KIF21B: variants seen among roughly 807,000 people sequenced by gnomAD.
KIF21B encodes kinesin family member 21B, also known as kinesin-like protein KIF21B.
KIF21B carries 85 observed loss-of-function variants against 192.9 expected under a neutral mutation model. The ratio of observed to expected loss-of-function variants is 0.44; its 90% CI spans 0.37 to 0.53. The LOEUF (loss-of-function observed/expected upper bound fraction) is 0.53, where lower values mean the gene tolerates loss of function less well. KIF21B is among the 20% of genes least tolerant of loss of function. KIF21B has a pLI of 0.00. For missense variants in KIF21B, 1,716 were observed against 2,194.8 expected (o/e 0.78, Z 4.36); for synonymous variants, 832 against 884.6 (o/e 0.94, Z 1.05).
chr1:200,993,184 C>T (rs1363412660), intron 15 of KIF21B, among the ~76,000 whole-genome samples: 1 of 152,260 alleles, frequency 6.6e-6, no homozygotes, highest in Non-Finnish European at 1.5e-5. Flanking sequence ...TGCTGGGAAG[C>T]CACTGACCTC....
intron 8 of KIF21B, 22 bp downstream of exon 8, chr1:201,003,564 C>T (rs1288381166): frequency 9.9e-6 from 16 of 1,612,084 alleles, no homozygotes; most frequent in Non-Finnish European, 1.4e-5. Flanking sequence ...GAGTGCTGGG[C>T]AATGCCCAGG....
rs1394878853 is a variant in KIF21B at position 200,999,218 on chromosome 1, T to C, written c.1885+131A>G. ...CCATCATTCTCATCATGACTGCCTG[T>C]TGTCATTGGTTTCACGTCTGGGAGT... On this transcript the variant is annotated intron_variant, in intron 13 of 34. Coordinates refer to ENST00000461742, the MANE Select transcript of KIF21B (RefSeq NM_001252102.2). The surrounding 1 kb of genome is among the most constrained non-coding windows in gnomAD (Gnocchi z 4.7). The C allele has an allele frequency of 9.4e-7, 1 of 1,060,088 alleles. No homozygotes were observed. The highest frequency in any genetic ancestry group is 1.4e-6 in the Non-Finnish European group (1 of 690,504). The allele number at this position is 1,060,088 out of a possible 1,614,324, so 65.7% of individuals were successfully genotyped here. A position where few individuals can be genotyped will look rare whatever the true frequency, so the allele number is the denominator to read the frequency against.
intron 3 of KIF21B, among the ~76,000 whole-genome samples, chr1:201,007,309 CGG>C (rs1657923292): frequency 1.7e-5 from 2 of 120,150 alleles, no homozygotes; most frequent in Non-Finnish European, 3.4e-5. Context: ...TACACAGACA[CGG>C]ACACAGAGAC....
intron 32 of KIF21B, among the ~76,000 whole-genome samples, chr1:200,976,051 T>C (rs1309124757): frequency 2.6e-5 from 4 of 152,132 alleles, no homozygotes; most frequent in African/African-American, 9.7e-5. Flanking sequence ...TTACTAAATA[T>C]TCACCATAAT....
intron 25 of KIF21B, 26 bp downstream of exon 25, chr1:200,986,970 A>T (rs200502878): frequency 6.8e-6 from 11 of 1,612,722 alleles, no homozygotes; most frequent in Non-Finnish European, 9.3e-6. Context: ...CTCCACTCCA[A>T]CCCACATTCC....
At position 200,984,578 on chromosome 1, in the gene KIF21B, C is replaced by G. The variant is rs202177850; in HGVS notation, c.3803+281G>C. Among the ~76,000 whole-genome samples the G allele has an allele frequency of 1.8e-4, 27 of 152,344 alleles. No homozygotes were observed. The East Asian group carries it at 5.0e-3, about 28-fold the overall frequency. ...TCTGGAGAGCCCTCAGGCACCGGCC[C>G]CATGCGACCAGCCCACCTGACTGCC... On this transcript the variant is annotated intron_variant, in intron 27 of 34. Transcript: ENST00000461742.
chr1:201,007,682 G>A (rs547517529), intron 3 of KIF21B, among the ~76,000 whole-genome samples: 14 of 105,798 alleles, frequency 1.3e-4, no homozygotes, highest in South Asian at 3.4e-4. Flanking sequence ...ATAGACACAC[G>A]CACAGACACA....
Position 200,972,926 on chromosome 1 carries a change from C to T in KIF21B, c.*595G>A, listed in dbSNP as rs1481066164. The T allele has an allele frequency of 6.5e-6, 1 of 152,912 alleles. No homozygotes were observed. The highest frequency in any genetic ancestry group is 1.5e-5 in the Non-Finnish European group (1 of 68,216). 9.5% of individuals were successfully genotyped at this position (152,912 alleles called of 1,614,324 possible). A position where few individuals can be genotyped will look rare whatever the true frequency, so the allele number is the denominator to read the frequency against. ...CCCAAAGGAATCTTTCTAGCAGCTC[C>T]ACCTTGGCCCCATCCAAAAGGGACC... On this transcript the variant is annotated 3_prime_UTR_variant, in exon 35 of 35. Coordinates refer to ENST00000461742, the MANE Select transcript of KIF21B (RefSeq NM_001252102.2).
At chr1:200,978,420 C>T (rs1655707657) in intron 30 of KIF21B, among the ~76,000 whole-genome samples, 1 of 151,528 alleles carries the variant, frequency 6.6e-6, no homozygotes, top group South Asian at 2.1e-4. Flanking sequence ...GAAAACTAAG[C>T]ACAAGATAGA....
At chr1:200,989,071 G>A (rs1195795718) in intron 21 of KIF21B, 140 bp from the exon 22 acceptor site, 1 of 839,328 alleles carries the variant, frequency 1.2e-6, no homozygotes, top group African/African-American at 1.7e-5. Flanking sequence ...GCACAGACCT[G>A]AGAGCACCGC....
At chr1:200,987,992 A>G (rs545579478) in intron 24 of KIF21B, among the ~76,000 whole-genome samples, 4 of 152,292 alleles carry the variant, frequency 2.6e-5, no homozygotes, top group African/African-American at 7.2e-5. Flanking sequence ...GGGTGGGGGA[A>G]AGGGGATATT....
rs1270714566 is a variant in KIF21B at position 200,969,964 on chromosome 1, G to T, written c.*3557C>A. ...CAAGGAGAGCAGCAAGCAGTTGCCT[G>T]TTTGGGATGGCAAAGGGACACATAC... On this transcript the variant is annotated 3_prime_UTR_variant, in exon 35 of 35. Transcript: ENST00000461742. The T allele has an allele frequency of 6.6e-6, 1 of 152,510 alleles. No homozygotes were observed. Among genetic ancestry groups the T allele is most frequent in the Non-Finnish European group, 1.5e-5 (1 of 68,102 alleles). 9.4% of individuals were successfully genotyped at this position (152,510 alleles called of 1,614,324 possible). A position where few individuals can be genotyped will look rare whatever the true frequency, so the allele number is the denominator to read the frequency against.
rs1655600519 is a variant in KIF21B, at chr1:200,977,062, T to C, written c.4325+150A>G. ...TGAGCTACCCTGCATCCCAGCAGTC[T>C]CACTGGAGAGGGCACAGGCCCAGCA... On this transcript the variant is annotated intron_variant, in intron 31 of 34. Transcript: ENST00000461742. 4 of 1,050,932 alleles carry C rather than the reference T, an allele frequency of 3.8e-6. No homozygotes were observed. In the South Asian group the frequency reaches 4.6e-5, roughly 12 times the overall value. 65.1% of individuals were successfully genotyped at this position (1,050,932 alleles called of 1,614,324 possible).
chr1:200,989,794 GC>G, intron 21 of KIF21B, 147 bp downstream of exon 21: 2 of 621,280 alleles, frequency 3.2e-6, no homozygotes, highest in Non-Finnish European at 2.9e-6. Flanking sequence ...TACAGCTGTG[GC>G]ATGGGAGGTG....
intron 16 of KIF21B, 31 bp from the exon 17 acceptor site, chr1:200,991,756 C>T: frequency 7.5e-6 from 12 of 1,610,238 alleles, no homozygotes; most frequent in Non-Finnish European, 9.3e-6. Flanking sequence ...CTGGGCTCCA[C>T]ACTCAGGCAC....
At chr1:200,983,379 C>A (rs1478588696) in intron 27 of KIF21B, among the ~76,000 whole-genome samples, 4 of 152,118 alleles carry the variant, frequency 2.6e-5, no homozygotes, top group Non-Finnish European at 4.4e-5. Flanking sequence ...CAGCCCCACA[C>A]ATGGGGAGAC....
chr1:200,977,465 A>C, intron 30 of KIF21B, 89 bp from the exon 31 acceptor site: 1 of 1,457,574 alleles, frequency 6.9e-7, no homozygotes, highest in South Asian at 1.3e-5. Context: ...AGACCAGCCC[A>C]AATAACCTAC....
chr1:200,987,163 C>G lies in KIF21B; in HGVS notation c.3447G>C (p.Ser1149=). ...PKLSAQMKAV[S]AECLGPPLDI... is the part of the protein sequence containing the mutation. ...CCAGTGGGGGGCCCAGGCACTCAGC[C>G]GACACAGCTTTCATTTGGGCAGACA... Residue 1149 remains serine (S), a synonymous_variant, in exon 25 of 35, where the codon TCG becomes TCC. Coordinates refer to ENST00000461742, the MANE Select transcript of KIF21B (RefSeq NM_001252102.2). 3.1e-6 allele frequency: 5 copies of G among 1,613,778 alleles called. No individual in the cohort carries two copies. Among genetic ancestry groups the G allele is most frequent in the Non-Finnish European group, 3.4e-6 (4 of 1,179,990 alleles).
chr1:200,989,325 C>G (rs185060640), intron 21 of KIF21B, among the ~76,000 whole-genome samples: 2 of 152,140 alleles, frequency 1.3e-5, no homozygotes, highest in Admixed American at 6.5e-5. Flanking sequence ...AGACACAAAG[C>G]GGAGCTGAGA....
Sources: allele counts gnomAD v4.1 joint callset (sites outside exome capture counted in the v4.1 genomes callset), GRCh38; gene constraint gnomAD v4.1.1; non-coding constraint Gnocchi (gnomAD v3.1); transcripts MANE v1.5; gene names NCBI Gene and HGNC (gene_info 2026-07-23, HGNC 2026-07-21).